WNK2: variants seen among roughly 807,000 people sequenced by gnomAD.
The protein encoded by WNK2 is WNK lysine deficient protein kinase 2, also known as serine/threonine-protein kinase WNK2.
WNK2 carries 67 observed loss-of-function variants against 192.1 expected under a neutral mutation model. The ratio of observed to expected loss-of-function variants is 0.35; its 90% confidence interval spans 0.29 to 0.43. The LOEUF is 0.43. Ranked by LOEUF, WNK2 falls within the 20% of genes least tolerant of loss-of-function variation. The pLI is 1.00. For synonymous variants in WNK2, 1,439 were observed against 1,393.9 expected, an observed-to-expected ratio of 1.03 and a Z score of -0.72; for missense variants, 2,698 against 3,089.7, an observed-to-expected ratio of 0.87 and a Z score of 3.01.
At chr9:93,238,083 A>T (rs1588106191) in intron 5 of WNK2, 150 bp from the exon 6 acceptor site, 1 of 648,346 alleles carries the variant, frequency 1.5e-6, no homozygotes, top group Admixed American at 2.7e-5. Flanking sequence ...TCCGTTTCAC[A>T]TATTTTGCCC....
rs145609783 is a variant in WNK2 at position 93,263,620 on chromosome 9, C to T, written c.3465C>T (p.Gly1155=). The part of the protein sequence containing the change: ...SGKELSDSCE[G]AFGGGRLEGR... ...AAGAGCTGAGTGACAGCTGTGAAGG[C>T]GCCTTTGGAGGGGGCAGGCTGGAGG... Residue 1155 remains glycine, a synonymous_variant, in exon 15 of 30, where the codon GGC becomes GGT. Transcript: ENST00000427277. The T allele has an allele frequency of 3.1e-5, 50 of 1,609,636 alleles. No homozygotes were observed. In the African/African-American group the frequency reaches 4.4e-4, roughly 14 times the overall value.
Position 93,259,214 on chromosome 9 carries a change from T to C in WNK2, c.2666T>C (p.Val889Ala). The C allele has an allele frequency of 6.2e-7, 1 of 1,613,074 alleles. No individual in the cohort carries two copies. Among genetic ancestry groups the C allele is most frequent in the South Asian group, 1.1e-5 (1 of 91,080 alleles). The change falls in exon 12 of 30, where the codon GTA (valine) becomes GCA (alanine). Residue 889 changes from valine to alanine, a missense_variant. Around this residue, in one of 7 missense-constraint regions of WNK2, gnomAD observed 893 missense variants for 909.0 expected, o/e 0.98. Coordinates refer to ENST00000427277, the MANE Select transcript of WNK2 (RefSeq NM_006648.4). This position sits in a 1 kb window ranked among gnomAD's most constrained non-coding sequence, Gnocchi z 4.8. ...NAPATIPLLA[V>A]APPGVAALSI... The stretch of plus-strand genomic sequence containing the variant: ...CCGGCCACTATCCCCCTGCTGGCCG[T>C]AGCCCCACCGGGCGTGGCTGCCCTG...
Position 93,239,881 on chromosome 9 carries a change from C to T in WNK2, c.1447C>T (p.Pro483Ser), listed in dbSNP as rs1840464106. ...TIALRLWVED[P>S]KKLKGKPKDN... ...CGCCCTGAGGCTCTGGGTGGAAGAC[C>T]CCAAGAAACTGAAGGGAAAGCCCAA... Residue 483 changes from proline (P) to serine (S), a missense_variant, in exon 7 of 30, where the codon CCC becomes TCC. Transcript: ENST00000427277. This position sits in a 1 kb window ranked among gnomAD's most constrained non-coding sequence, Gnocchi z 4.2. The T allele has an allele frequency of 6.2e-7, 1 of 1,609,006 alleles. No homozygotes were observed. The highest frequency in any genetic ancestry group is 1.7e-5 in the Admixed American group (1 of 59,366).
At chr9:93,278,703 T>G (rs913242050) in intron 19 of WNK2, among the ~76,000 whole-genome samples, 1 of 152,194 alleles carries the variant, frequency 6.6e-6, no homozygotes, top group Non-Finnish European at 1.5e-5. Flanking sequence ...CCAATCCAAA[T>G]TATGAGACAG....
intron 2 of WNK2, among the ~76,000 whole-genome samples, chr9:93,224,788 A>T: frequency 6.6e-6 from 1 of 152,174 alleles, no homozygotes; most frequent in African/African-American, 2.4e-5. Flanking sequence ...GAGGGGCATC[A>T]CATTGAGTGA....
At chr9:93,280,193 AC>A (rs1440611265) in intron 19 of WNK2, among the ~76,000 whole-genome samples, 1 of 152,206 alleles carries the variant, frequency 6.6e-6, no homozygotes, top group African/African-American at 2.4e-5. Flanking sequence ...CTCTCAAAAG[AC>A]AGTAGTAAGA....
chr9:93,276,992 G>A (rs1028045920), intron 19 of WNK2, among the ~76,000 whole-genome samples: 8 of 151,168 alleles, frequency 5.3e-5, no homozygotes, highest in African/African-American at 1.9e-4. Flanking sequence ...CTGAGATCGC[G>A]CCACTGCACT....
chr9:93,272,695 G>T (rs1231802271), intron 19 of WNK2, among the ~76,000 whole-genome samples: 3 of 120,094 alleles, frequency 2.5e-5, no homozygotes, highest in Non-Finnish European at 4.7e-5. Flanking sequence ...CCGAGATCGC[G>T]CCATTGCACT....
intron 2 of WNK2, among the ~76,000 whole-genome samples, chr9:93,211,444 C>CCACTCACCCACCCACTCATT (rs1441649622): frequency 2.1e-5 from 3 of 144,752 alleles, no homozygotes; most frequent in Non-Finnish European, 3.0e-5. Flanking sequence ...ACCCACTCAT[C>CCACTCACCCACCCACTCATT]CACTCACCCA....
chr9:93,197,385 C>CGT (rs1405275735), intron 2 of WNK2, among the ~76,000 whole-genome samples: 1 of 152,208 alleles, frequency 6.6e-6, no homozygotes, highest in Non-Finnish European at 1.5e-5. Context: ...TCAAGGATCA[C>CGT]GTGTTGTGTC....
At chr9:93,231,666 C>T (rs749925771) in intron 4 of WNK2, among the ~76,000 whole-genome samples, 15 of 152,332 alleles carry the variant, frequency 9.8e-5, no homozygotes, top group South Asian at 2.1e-4. Context: ...ACAGAGCAGG[C>T]GTTGTGCACA....
chr9:93,283,460 G>A (rs912338355), intron 19 of WNK2, among the ~76,000 whole-genome samples: 1 of 152,246 alleles, frequency 6.6e-6, no homozygotes, highest in African/African-American at 2.4e-5. Context: ...GGGATGAAAA[G>A]GGGGAGACAC....
At chr9:93,277,610 C>T (rs1031811598) in intron 19 of WNK2, among the ~76,000 whole-genome samples, 4 of 152,072 alleles carry the variant, frequency 2.6e-5, no homozygotes, top group Non-Finnish European at 1.5e-5. Context: ...CTGTATAATT[C>T]CATTTATAAT....
chr9:93,316,420 C>T (rs1313159257), intron 28 of WNK2: 3 of 152,072 alleles, frequency 2.0e-5, no homozygotes, highest in Non-Finnish European at 2.9e-5. Flanking sequence ...ATGTAGTGTC[C>T]GTTTACTGGC....
intron 2 of WNK2, among the ~76,000 whole-genome samples, chr9:93,194,979 A>G (rs1587778544): frequency 6.6e-6 from 1 of 152,180 alleles, no homozygotes; most frequent in Admixed American, 6.5e-5. Flanking sequence ...TATGATTCCA[A>G]CTAGATGACA....
At chr9:93,295,824 C>G (rs1363846166) in intron 23 of WNK2, among the ~76,000 whole-genome samples, 1 of 147,750 alleles carries the variant, frequency 6.8e-6, no homozygotes, top group African/African-American at 2.5e-5. Flanking sequence ...CCTCCCCTCT[C>G]CATCCTCAAC....
chr9:93,318,090 C>T (rs778844402), intron 29 of WNK2: 7 of 1,593,958 alleles, frequency 4.4e-6, no homozygotes, highest in East Asian at 4.5e-5. Flanking sequence ...TGGTTAGAAC[C>T]TTGTCGTCAC....
rs1180492678 is a variant in WNK2, at chr9:93,259,585, G to C, written c.3037G>C (p.Ala1013Pro). 1.3e-6 allele frequency: 2 copies of C among 1,592,246 alleles called. No individual in the cohort carries two copies. Among genetic ancestry groups the C allele is most frequent in the East Asian group, 2.2e-5 (1 of 44,762 alleles). The stretch of plus-strand genomic sequence containing the variant: ...CCTCCAGCCCCACCTTCCTGAACAA[G>C]CTGCTCCAGCTGCTACACCAGGGAG... ...EPLQPHLPEQ[A>P]APAATPGSQI... Residue 1013 changes from alanine (A) to proline (P), a missense_variant, in exon 12 of 30, where the codon GCT (alanine) becomes CCT (proline). Ala to Pro is a conservative substitution (Grantham distance 27). Around this residue, in one of 7 missense-constraint regions of WNK2, gnomAD observed 893 missense variants for 909.0 expected, o/e 0.98. Transcript: ENST00000427277. The surrounding 1 kb of genome is among the most constrained non-coding windows in gnomAD (Gnocchi z 4.8).
chr9:93,308,599 G>T lies in WNK2; in HGVS notation c.6516+15G>T. The T allele has an allele frequency of 6.5e-7, 1 of 1,532,492 alleles. No individual in the cohort carries two copies. The highest frequency in any genetic ancestry group is 1.2e-5 in the South Asian group (1 of 82,614). 94.9% of individuals were successfully genotyped at this position (1,532,492 alleles called of 1,614,324 possible). A position where few individuals can be genotyped will look rare whatever the true frequency, so the allele number is the denominator to read the frequency against. ...AGGCGCGGGCTGTGAGTGCGGGGCG[G>T]GTGGGGCGGGTGCTCCTGGGGTGGG... On this transcript the variant is annotated intron_variant, in intron 28 of 29. Transcript: ENST00000427277.
Sources: allele counts gnomAD v4.1 joint callset (sites outside exome capture counted in the v4.1 genomes callset), GRCh38; gene constraint gnomAD v4.1.1; regional missense constraint gnomAD v4.1.1; non-coding constraint Gnocchi (gnomAD v3.1); transcripts MANE v1.5; gene names NCBI Gene and HGNC (gene_info 2026-07-23, HGNC 2026-07-21).